The following DLGAP2 variants were observed in gnomAD, a reference collection of about 807,000 sequenced individuals.
DLGAP2 encodes disks large-associated protein 2.
In DLGAP2, 26 loss-of-function variants were observed where a neutral mutation model predicts 100.3. That is an observed-to-expected ratio of 0.26 (90% CI 0.19 to 0.36). The LOEUF is 0.36. DLGAP2 is among the 10% of genes least tolerant of loss of function. DLGAP2 has a pLI of 1.00. For synonymous variants in DLGAP2, 886 were observed against 630.1 expected, an observed-to-expected ratio of 1.41 and a Z score of -6.08; for missense variants, 1,858 against 1,453.2, an observed-to-expected ratio of 1.28 and a Z score of -4.53.
At chr8:1,533,839 C>T (rs1319620835) in intron 4 of DLGAP2, among the ~76,000 whole-genome samples, 1 of 152,140 alleles carries the variant, frequency 6.6e-6, no homozygotes, top group African/African-American at 2.4e-5. Context: ...AGCCTGTTGT[C>T]CCAGCTCCTC....
chr8:1,601,726 C>A (rs1796631089), intron 6 of DLGAP2, among the ~76,000 whole-genome samples: 1 of 152,168 alleles, frequency 6.6e-6, no homozygotes, highest in African/African-American at 2.4e-5. Flanking sequence ...GCTCGTTCAC[C>A]ACTCTGGTCT....
chr8:1,167,811 T>C (rs1797048783), intron 2 of DLGAP2, among the ~76,000 whole-genome samples: 1 of 151,006 alleles, frequency 6.6e-6, no homozygotes, highest in South Asian at 2.2e-4. Context: ...ATAAAGTACC[T>C]GGTTGAGGTC....
At chr8:1,493,100 T>C (rs987439882) in intron 3 of DLGAP2, among the ~76,000 whole-genome samples, 3 of 152,114 alleles carry the variant, frequency 2.0e-5, no homozygotes, top group Non-Finnish European at 2.9e-5. Context: ...GGGCACAAGG[T>C]GACAACGAGC....
chr8:750,039 C>T (rs1279913914), intron 1 of DLGAP2, among the ~76,000 whole-genome samples: 1 of 152,236 alleles, frequency 6.6e-6, no homozygotes, highest in Non-Finnish European at 1.5e-5. Context: ...CTCAGAAAGC[C>T]CCGGGTTATC....
chr8:1,586,337 A>G (rs10094463), intron 6 of DLGAP2, among the ~76,000 whole-genome samples: 92,354 of 152,114 alleles, frequency 0.61, 28,695 homozygotes, highest in African/African-American at 0.76. Context: ...TCCAGAGGCC[A>G]CCCACAGGGA....
chr8:1,605,984 A>C (rs1017487481), intron 6 of DLGAP2, among the ~76,000 whole-genome samples: 1 of 152,222 alleles, frequency 6.6e-6, no homozygotes, highest in Non-Finnish European at 1.5e-5. Context: ...AGCAAGGTTA[A>C]TTATAATACC....
chr8:1,085,061 C>G (rs1803930367), intron 2 of DLGAP2, among the ~76,000 whole-genome samples: 1 of 152,186 alleles, frequency 6.6e-6, no homozygotes, highest in Non-Finnish European at 1.5e-5. Context: ...GCCATTCGAA[C>G]AAGTGTGAGC....
chr8:1,271,308 G>C (rs1008190697), intron 3 of DLGAP2, among the ~76,000 whole-genome samples: 1 of 151,190 alleles, frequency 6.6e-6, no homozygotes, highest in African/African-American at 2.5e-5. Context: ...CTCCTCAGCC[G>C]GGGGGGTGCG....
intron 2 of DLGAP2, among the ~76,000 whole-genome samples, chr8:1,229,480 A>G (rs1481163651): frequency 2.0e-5 from 3 of 152,110 alleles, no homozygotes; most frequent in Admixed American, 2.0e-4. Context: ...GGATTTATCT[A>G]CTTCCTCTAG....
At chr8:946,719 T>C (rs1277167817) in intron 2 of DLGAP2, among the ~76,000 whole-genome samples, 1 of 152,250 alleles carries the variant, frequency 6.6e-6, no homozygotes, top group East Asian at 1.9e-4. Context: ...GTTATCACTC[T>C]GAGTGTCAGG....
At chr8:1,220,965 A>G (rs942815230) in intron 2 of DLGAP2, among the ~76,000 whole-genome samples, 4 of 152,150 alleles carry the variant, frequency 2.6e-5, no homozygotes, top group Non-Finnish European at 5.9e-5. Context: ...ATCTTTCTCC[A>G]TACATTTACT....
intron 2 of DLGAP2, among the ~76,000 whole-genome samples, chr8:1,041,584 C>T (rs1483637531): frequency 6.9e-6 from 1 of 144,814 alleles, no homozygotes. Flanking sequence ...TTCTCCGAAC[C>T]CCTTGCCGTG....
intron 4 of DLGAP2, among the ~76,000 whole-genome samples, chr8:1,509,168 T>C (rs1032223863): frequency 6.6e-6 from 1 of 151,754 alleles, no homozygotes; most frequent in Non-Finnish European, 1.5e-5. Context: ...CCGTCTCTAC[T>C]AAAATACAAA....
At chr8:1,628,895 T>C (rs868136545) in intron 7 of DLGAP2, among the ~76,000 whole-genome samples, 12 of 152,278 alleles carry the variant, frequency 7.9e-5, no homozygotes, top group Admixed American at 2.6e-4. Flanking sequence ...CCTCCCATTA[T>C]GCAGTTATCG....
chr8:1,537,231 G>T (rs986119521), intron 4 of DLGAP2, among the ~76,000 whole-genome samples: 1 of 152,166 alleles, frequency 6.6e-6, no homozygotes. Flanking sequence ...ATGTGCATCT[G>T]TGTGTTTGCG....
At chr8:832,650 A>G (rs1484035682) in intron 1 of DLGAP2, among the ~76,000 whole-genome samples, 1 of 152,166 alleles carries the variant, frequency 6.6e-6, no homozygotes, top group Admixed American at 6.5e-5. Flanking sequence ...TTTCTTTTGC[A>G]CTGATTTTTT....
At chr8:924,171 G>A (rs1454555860) in intron 2 of DLGAP2, among the ~76,000 whole-genome samples, 5 of 152,200 alleles carry the variant, frequency 3.3e-5, no homozygotes, top group African/African-American at 4.8e-5. Context: ...CCACTTGGGA[G>A]CAACACCAGC....
At chr8:1,076,457 G>A (rs1428292727) in intron 2 of DLGAP2, among the ~76,000 whole-genome samples, 3 of 152,182 alleles carry the variant, frequency 2.0e-5, no homozygotes, top group East Asian at 1.9e-4. Context: ...GGATGCTTTC[G>A]AAGTTCTTGT....
At chr8:1,072,704 A>G (rs1803472133) in intron 2 of DLGAP2, among the ~76,000 whole-genome samples, 1 of 152,184 alleles carries the variant, frequency 6.6e-6, no homozygotes, top group South Asian at 2.1e-4. Flanking sequence ...TGTGCTTCTT[A>G]TTAAAAATAC....
Sources: allele counts gnomAD v4.1 joint callset (sites outside exome capture counted in the v4.1 genomes callset), GRCh38; gene constraint gnomAD v4.1.1; transcripts MANE v1.5; gene names NCBI Gene and HGNC (gene_info 2026-07-23, HGNC 2026-07-21).